MECOM: variants seen among roughly 807,000 people sequenced by gnomAD.
MECOM encodes the protein histone-lysine N-methyltransferase MECOM.
In MECOM, 13 loss-of-function variants were observed where a neutral mutation model predicts 116.3. That is an observed-to-expected ratio of 0.11 (90% confidence interval 0.07 to 0.18). The LOEUF (loss-of-function observed/expected upper bound fraction) is 0.18, where lower values mean the gene tolerates loss of function less well. MECOM is among the 10% of genes least tolerant of loss of function. MECOM has a pLI of 1.00. For missense variants in MECOM, 1,299 were observed against 1,509.0 expected (o/e 0.86, Z 2.31); for synonymous variants, 528 against 535.2 (o/e 0.99, Z 0.19).
chr3:169,254,368 AGC>A (rs1756615172), intron 2 of MECOM, among the ~76,000 whole-genome samples: 1 of 152,162 alleles, frequency 6.6e-6, no homozygotes, highest in Non-Finnish European at 1.5e-5. Flanking sequence ...GAGATTCTCA[AGC>A]CAAGAAATGG....
At chr3:169,449,338 T>C (rs1476026138) in intron 1 of MECOM, among the ~76,000 whole-genome samples, 1 of 152,150 alleles carries the variant, frequency 6.6e-6, no homozygotes, top group East Asian at 1.9e-4. Context: ...AAAGCTCAGG[T>C]TATTTTTTAC....
chr3:169,323,980 A>G (rs1459132829), intron 2 of MECOM, among the ~76,000 whole-genome samples: 1 of 152,240 alleles, frequency 6.6e-6, no homozygotes, highest in Non-Finnish European at 1.5e-5. Context: ...AGCCAGGAGC[A>G]TAGCTATGAC....
intron 2 of MECOM, among the ~76,000 whole-genome samples, chr3:169,332,648 G>A (rs540287071): frequency 6.6e-6 from 1 of 152,242 alleles, no homozygotes; most frequent in African/African-American, 2.4e-5. Flanking sequence ...AGATGCATCT[G>A]TACCATATGG....
intron 2 of MECOM, among the ~76,000 whole-genome samples, chr3:169,243,228 T>C (rs2149556953): frequency 6.6e-6 from 1 of 152,302 alleles, no homozygotes; most frequent in African/African-American, 2.4e-5. Flanking sequence ...CACTATAAAG[T>C]ACTCCCCCAA....
intron 1 of MECOM, among the ~76,000 whole-genome samples, chr3:169,642,315 G>A (rs890487930): frequency 2.0e-5 from 3 of 152,038 alleles, no homozygotes; most frequent in African/African-American, 7.2e-5. Context: ...GAAGACAAGA[G>A]AGAAGGAAAA....
At chr3:169,440,116 G>C (rs1323453928) in intron 1 of MECOM, among the ~76,000 whole-genome samples, 3 of 152,006 alleles carry the variant, frequency 2.0e-5, no homozygotes, top group Non-Finnish European at 4.4e-5. Flanking sequence ...ATTTGGTTGT[G>C]TTCCACTTCC....
chr3:169,647,013 C>T (rs1297267731), intron 1 of MECOM, among the ~76,000 whole-genome samples: 1 of 152,204 alleles, frequency 6.6e-6, no homozygotes, highest in Non-Finnish European at 1.5e-5. Flanking sequence ...TTCCTCTTTA[C>T]TAAGAGTTGT....
At chr3:169,137,850 G>A (rs915152836) in intron 3 of MECOM, among the ~76,000 whole-genome samples, 6 of 151,948 alleles carry the variant, frequency 3.9e-5, no homozygotes, top group Non-Finnish European at 7.4e-5. Flanking sequence ...TATTATACAC[G>A]AAGCTTACAG....
intron 2 of MECOM, among the ~76,000 whole-genome samples, chr3:169,339,899 G>C (rs943488161): frequency 2.0e-5 from 3 of 152,058 alleles, no homozygotes; most frequent in African/African-American, 4.8e-5. Context: ...ATGATGTGGG[G>C]GGAAGTGGGA....
At chr3:169,410,058 G>C (rs16853673) in intron 1 of MECOM, among the ~76,000 whole-genome samples, 6,729 of 152,186 alleles carry the variant, frequency 0.044, 459 homozygotes, top group Admixed American at 0.19. Context: ...GGAGCTTTCA[G>C]ACAGCAACAA....
chr3:169,282,099 C>A (rs1577576137), intron 2 of MECOM, among the ~76,000 whole-genome samples: 1 of 152,170 alleles, frequency 6.6e-6, no homozygotes, highest in East Asian at 1.9e-4. Flanking sequence ...TTTTCTTGGT[C>A]AAATATCTAT....
At chr3:169,514,790 T>C (rs989206086) in intron 1 of MECOM, among the ~76,000 whole-genome samples, 1 of 152,150 alleles carries the variant, frequency 6.6e-6, no homozygotes, top group Non-Finnish European at 1.5e-5. Context: ...GGTCCAAATA[T>C]TGTCTTGGGT....
At chr3:169,472,282 A>T (rs1749390012) in intron 1 of MECOM, among the ~76,000 whole-genome samples, 1 of 150,860 alleles carries the variant, frequency 6.6e-6, no homozygotes, top group Non-Finnish European at 1.5e-5. Context: ...TGTAAAAAAA[A>T]AAACAATAAT....
chr3:169,220,266 T>G (rs1577380453), intron 2 of MECOM, among the ~76,000 whole-genome samples: 1 of 152,078 alleles, frequency 6.6e-6, no homozygotes, highest in Non-Finnish European at 1.5e-5. Context: ...AGAGGCTGCC[T>G]GCAGTGAGCT....
chr3:169,392,900 A>T (rs556766752), intron 1 of MECOM, among the ~76,000 whole-genome samples: 1 of 152,194 alleles, frequency 6.6e-6, no homozygotes, highest in South Asian at 2.1e-4. Flanking sequence ...TTTTGGGGGG[A>T]TTATCTACCC....
At chr3:169,331,892 CA>C (rs1722783714) in intron 2 of MECOM, among the ~76,000 whole-genome samples, 1 of 151,458 alleles carries the variant, frequency 6.6e-6, no homozygotes, top group South Asian at 2.1e-4. Context: ...TCTGATTCTC[CA>C]AAAAAGAGTC....
chr3:169,500,204 A>G (rs1008894992), intron 1 of MECOM, among the ~76,000 whole-genome samples: 1 of 152,124 alleles, frequency 6.6e-6, no homozygotes, highest in Non-Finnish European at 1.5e-5. Context: ...GATATATCTG[A>G]AAGTTAAATA....
intron 2 of MECOM, among the ~76,000 whole-genome samples, chr3:169,377,105 T>C (rs1431699210): frequency 6.6e-6 from 1 of 152,156 alleles, no homozygotes; most frequent in Non-Finnish European, 1.5e-5. Context: ...TAAACGGTGT[T>C]GGGAAAACTG....
chr3:169,526,640 A>G (rs1343295804), intron 1 of MECOM, among the ~76,000 whole-genome samples: 4 of 152,130 alleles, frequency 2.6e-5, no homozygotes, highest in African/African-American at 4.8e-5. Context: ...ATTTCTATAC[A>G]ATTTGTTTTA....
Sources: allele counts gnomAD v4.1 joint callset (sites outside exome capture counted in the v4.1 genomes callset), GRCh38; gene constraint gnomAD v4.1.1; transcripts MANE v1.5; gene names NCBI Gene and HGNC (gene_info 2026-07-23, HGNC 2026-07-21).